The following TRERF1 variants were observed in gnomAD, a reference collection of about 807,000 sequenced individuals.
TRERF1 encodes the protein transcriptional regulating factor 1, also known as transcriptional-regulating factor 1.
A neutral mutation model predicts 122.9 loss-of-function variants in TRERF1; 27 were observed. The ratio of observed to expected loss-of-function variants is 0.22; its 90% confidence interval spans 0.16 to 0.30. The LOEUF (loss-of-function observed/expected upper bound fraction) is 0.30. Ranked by LOEUF, TRERF1 falls within the 10% of genes least tolerant of loss-of-function variation. TRERF1 has a pLI of 1.00. For synonymous variants in TRERF1, 636 were observed against 641.7 expected (o/e 0.99, Z 0.13); for missense variants, 1,248 against 1,560.3 (o/e 0.80, Z 3.37).
intron 2 of TRERF1, among the ~76,000 whole-genome samples, chr6:42,424,063 T>C (rs1237553212): frequency 1.3e-5 from 2 of 152,250 alleles, no homozygotes; most frequent in Non-Finnish European, 2.9e-5. Flanking sequence ...GTAGATGTTG[T>C]TCATTCATTT....
chr6:42,385,102 T>G (rs1282423106), intron 2 of TRERF1, among the ~76,000 whole-genome samples: 1 of 152,162 alleles, frequency 6.6e-6, no homozygotes, highest in Admixed American at 6.5e-5. Flanking sequence ...CTTAGCCTCC[T>G]GAGTAGCTGG....
chr6:42,449,314 C>T (rs151107239), intron 2 of TRERF1, among the ~76,000 whole-genome samples: 80 of 152,298 alleles, frequency 5.3e-4, no homozygotes, highest in African/African-American at 1.7e-3. Context: ...ATGGACATGC[C>T]TAAAAGGGCG....
chr6:42,325,006 G>C (rs1473888303), intron 3 of TRERF1, among the ~76,000 whole-genome samples: 1 of 151,990 alleles, frequency 6.6e-6, no homozygotes, highest in African/African-American at 2.4e-5. Flanking sequence ...CTCTGCATCT[G>C]ACAAAGGTCT....
At chr6:42,231,084 T>C (rs1770457465) in intron 17 of TRERF1, among the ~76,000 whole-genome samples, 1 of 152,212 alleles carries the variant, frequency 6.6e-6, no homozygotes, top group South Asian at 2.1e-4. Flanking sequence ...GAATCCCTAA[T>C]GCAGCTATGT....
chr6:42,270,798 A>C (rs1349010039), intron 4 of TRERF1, among the ~76,000 whole-genome samples: 1 of 119,774 alleles, frequency 8.3e-6, no homozygotes, highest in Non-Finnish European at 1.6e-5. Context: ...TTTGAGATGG[A>C]GTCTCGCTCT....
chr6:42,387,959 C>T (rs1348671258), intron 2 of TRERF1, among the ~76,000 whole-genome samples: 2 of 152,112 alleles, frequency 1.3e-5, no homozygotes, highest in African/African-American at 2.4e-5. Flanking sequence ...AGGTACATGC[C>T]ACCACGCTTG....
At chr6:42,321,405 G>C (rs1423642220) in intron 3 of TRERF1, among the ~76,000 whole-genome samples, 2 of 149,930 alleles carry the variant, frequency 1.3e-5, no homozygotes, top group Non-Finnish European at 3.0e-5. Flanking sequence ...GAGAGTTTGA[G>C]AGAAAAAAAA....
At chr6:42,283,923 A>AACCTTT (rs1210757988) in intron 4 of TRERF1, among the ~76,000 whole-genome samples, 2 of 151,934 alleles carry the variant, frequency 1.3e-5, no homozygotes, top group Admixed American at 6.6e-5. Flanking sequence ...GGCCAAAAAA[A>AACCTTT]ACCTTTATGT....
intron 3 of TRERF1, among the ~76,000 whole-genome samples, chr6:42,337,682 A>G (rs1419079842): frequency 6.6e-6 from 1 of 152,190 alleles, no homozygotes; most frequent in East Asian, 1.9e-4. Context: ...AAGGACACAC[A>G]GCCTTCTAAT....
At chr6:42,252,111 C>T (rs1775937982) in intron 13 of TRERF1, among the ~76,000 whole-genome samples, 1 of 152,168 alleles carries the variant, frequency 6.6e-6, no homozygotes, top group Admixed American at 6.5e-5. Context: ...GGGTTGAGCG[C>T]CAGAAGCCAC....
intron 2 of TRERF1, among the ~76,000 whole-genome samples, chr6:42,389,259 A>C (rs1005456572): frequency 2.0e-5 from 3 of 152,204 alleles, no homozygotes; most frequent in South Asian, 2.1e-4. Flanking sequence ...CAGTCTGCCT[A>C]TCTATCAGCA....
At position 42,232,698 on chromosome 6, in the gene TRERF1, G is replaced by A. The variant is rs144933700; in HGVS notation, c.3261C>T (p.Pro1087=). 32,281 of 1,601,476 alleles carry A rather than the reference G, an allele frequency of 0.02. 399 individuals carry two copies. The highest frequency in any genetic ancestry group is 0.031 in the South Asian group (2,833 of 90,562). ...GCACCTACTTGCCACACTCCTTGCAGGGGAAGATGGTGGTGGGGTCTGTCT... is the reference window on the plus strand; with the variant it reads ...GCACCTACTTGCCACACTCCTTGCAAGGGAAGATGGTGGTGGGGTCTGTCT... The change falls in exon 17 of 18, where the codon CCC becomes CCT. Residue 1087 remains proline (P), a synonymous_variant. Coordinates refer to ENST00000372922, the Ensembl canonical transcript of TRERF1. The surrounding 1 kb of genome is among the most constrained non-coding windows in gnomAD (Gnocchi z 4.5).
chr6:42,322,399 T>C (rs2150471726), intron 3 of TRERF1, among the ~76,000 whole-genome samples: 1 of 152,130 alleles, frequency 6.6e-6, no homozygotes, highest in Non-Finnish European at 1.5e-5. Context: ...AAGCAGTAGG[T>C]CTGGGTTAGG....
chr6:42,449,028 T>C (rs1788013051), intron 2 of TRERF1, among the ~76,000 whole-genome samples: 1 of 152,242 alleles, frequency 6.6e-6, no homozygotes, highest in African/African-American at 2.4e-5. Flanking sequence ...TTTTACACTT[T>C]AAGTTCCTAA....
intron 13 of TRERF1, 70 bp downstream of exon 13, chr6:42,254,781 G>C (rs1252701049): frequency 7.0e-7 from 1 of 1,428,960 alleles, no homozygotes; most frequent in Non-Finnish European, 9.9e-7. Flanking sequence ...TTGCTAGAAA[G>C]TGACACAACC....
At chr6:42,325,305 T>C (rs1414203415) in intron 3 of TRERF1, among the ~76,000 whole-genome samples, 1 of 152,230 alleles carries the variant, frequency 6.6e-6, no homozygotes, top group Non-Finnish European at 1.5e-5. Context: ...ATACTGTTGA[T>C]GGGAGTGTAA....
chr6:42,353,609 C>T (rs953549648), intron 3 of TRERF1, among the ~76,000 whole-genome samples: 20 of 150,222 alleles, frequency 1.3e-4, no homozygotes, highest in African/African-American at 3.4e-4. Flanking sequence ...AACAAACAAA[C>T]GAAAAAAAAA....
chr6:42,419,036 G>A (rs1782346021), intron 2 of TRERF1, among the ~76,000 whole-genome samples: 1 of 152,156 alleles, frequency 6.6e-6, no homozygotes. Flanking sequence ...GTCAAGCTAC[G>A]TTACAACCCG....
intron 2 of TRERF1, among the ~76,000 whole-genome samples, chr6:42,365,510 C>G (rs1364874409): frequency 1.3e-5 from 2 of 152,148 alleles, no homozygotes; most frequent in Non-Finnish European, 2.9e-5. Flanking sequence ...AAAACCATGC[C>G]TCTTCCCGCA....
Sources: allele counts gnomAD v4.1 joint callset (sites outside exome capture counted in the v4.1 genomes callset), GRCh38; gene constraint gnomAD v4.1.1; non-coding constraint Gnocchi (gnomAD v3.1); transcripts MANE v1.5; gene names NCBI Gene and HGNC (gene_info 2026-07-23, HGNC 2026-07-21).